The following ATP11C variants were observed in gnomAD, a reference collection of about 807,000 sequenced individuals.
The protein encoded by ATP11C is phospholipid-transporting ATPase IG.
ATP11C carries 36 observed loss-of-function variants against 97.4 expected under a neutral mutation model. The observed-to-expected ratio is 0.37, with a 90% CI of 0.28 to 0.49. ATP11C has a LOEUF of 0.49. Ranked by LOEUF, ATP11C falls within the 20% of genes least tolerant of loss-of-function variation. ATP11C has a pLI of 0.98. For synonymous variants in ATP11C, 275 were observed against 290.9 expected (o/e 0.95, Z 0.56); for missense variants, 730 against 824.6 (o/e 0.89, Z 1.40).
At chrX:139,784,296 TC>T (rs921649008) in intron 16 of ATP11C, among the ~76,000 whole-genome samples, 1 of 110,650 alleles carries the variant, frequency 9.0e-6, no homozygotes, top group Non-Finnish European at 1.9e-5. Flanking sequence ...TTCTTACACA[TC>T]CAAAGTGTAT....
chrX:139,829,912 G>A (rs912347686), intron 1 of ATP11C, among the ~76,000 whole-genome samples: 2 of 110,689 alleles, frequency 1.8e-5, no homozygotes, highest in African/African-American at 6.6e-5. Context: ...ACCTAACACA[G>A]TAATTATTTA....
At position 139,788,439 on chromosome X, in the gene ATP11C, T is replaced by C. The variant is rs758576078; in HGVS notation, c.1369-96A>G. Reference sequence around the variant, plus strand: ...GAAAATATATTAATGTGAGAGAATGTTGTAACTTCTAACAAACTTAGTAGC... The same window carrying C: ...GAAAATATATTAATGTGAGAGAATGCTGTAACTTCTAACAAACTTAGTAGC... On this transcript the variant is annotated intron_variant, in intron 13 of 29. Transcript: ENST00000682941. 2.4e-5 allele frequency: 19 copies of C among 805,725 alleles called. 1 individual carries two copies. The Admixed American group carries it at 2.9e-4, about 12-fold the overall frequency. The allele number at this position is 805,725 out of a possible 1,213,427, so 66.4% of individuals were successfully genotyped here. A position where few individuals can be genotyped will look rare whatever the true frequency, so the allele number is the denominator to read the frequency against.
chrX:139,921,769 T>C (rs1431238466), intron 1 of ATP11C, among the ~76,000 whole-genome samples: 1 of 111,469 alleles, frequency 9.0e-6, no homozygotes, highest in East Asian at 2.8e-4. Flanking sequence ...CTGTCTCCCA[T>C]GTGTAGTGAA....
chrX:139,766,338 G>A (rs1235307177), intron 20 of ATP11C, among the ~76,000 whole-genome samples: 2 of 112,079 alleles, frequency 1.8e-5, no homozygotes, highest in African/African-American at 6.5e-5. Context: ...CAGTGAAGCA[G>A]TCAGAACCCA....
At chrX:139,817,071 T>A in intron 3 of ATP11C, 128 bp from the exon 4 acceptor site, 1 of 359,674 alleles carries the variant, frequency 2.8e-6, no homozygotes. Context: ...GGGTAAATAT[T>A]AATTTTCATT....
chrX:139,801,656 G>A (rs1439456277), intron 7 of ATP11C, among the ~76,000 whole-genome samples: 2 of 111,655 alleles, frequency 1.8e-5, no homozygotes, highest in Admixed American at 1.9e-4. Flanking sequence ...AACCAGTCTT[G>A]AAATCAAACG....
chrX:139,852,242 G>A (rs2084002817), intron 1 of ATP11C, among the ~76,000 whole-genome samples: 1 of 110,087 alleles, frequency 9.1e-6, no homozygotes, highest in South Asian at 4.1e-4. Context: ...TTGCACCGCT[G>A]AGAATTAAAA....
At chrX:139,824,619 G>A (rs2083486569) in intron 2 of ATP11C, among the ~76,000 whole-genome samples, 3 of 111,260 alleles carry the variant, frequency 2.7e-5, no homozygotes, top group South Asian at 7.6e-4. Flanking sequence ...CCCAGGAGGC[G>A]GGGCTTGCAG....
At chrX:139,865,514 C>T (rs918292208) in intron 1 of ATP11C, among the ~76,000 whole-genome samples, 52 of 111,700 alleles carry the variant, frequency 4.7e-4, no homozygotes, top group Non-Finnish European at 1.1e-4. Context: ...GTAATTCCAG[C>T]ACTTTGGGAG....
intron 6 of ATP11C, among the ~76,000 whole-genome samples, chrX:139,803,129 T>A (rs927319593): frequency 1.8e-5 from 2 of 112,021 alleles, no homozygotes; most frequent in Admixed American, 1.9e-4. Context: ...TTTGAAAACC[T>A]CTGTACTTTT....
chrX:139,932,693 C>G lies in ATP11C; in HGVS notation c.-651G>C, dbSNP rs2085461953. 8.9e-6 allele frequency: 1 copy of G among 112,815 alleles called. No homozygotes were observed. The allele number at this position is 112,815 out of a possible 1,213,427, so 9.3% of individuals were successfully genotyped here. A position where few individuals can be genotyped will look rare whatever the true frequency, so the allele number is the denominator to read the frequency against. ...CTCGCAGCCCCTCCTCGGTCCGCGGCTGCCGCGCCGCCCCGCGCTCTGGTC... is the reference window on the plus strand; with the variant it reads ...CTCGCAGCCCCTCCTCGGTCCGCGGGTGCCGCGCCGCCCCGCGCTCTGGTC... On this transcript the variant is annotated 5_prime_UTR_variant, in exon 1 of 30. Coordinates refer to ENST00000682941, the MANE Select transcript of ATP11C (RefSeq NM_001353812.2).
At chrX:139,862,624 C>T (rs892793318) in intron 1 of ATP11C, among the ~76,000 whole-genome samples, 2 of 111,607 alleles carry the variant, frequency 1.8e-5, no homozygotes, top group African/African-American at 6.5e-5. Context: ...GAAACAAATC[C>T]TCACAGCAAA....
In ATP11C at chrX:139,783,149, G is replaced by A. The variant is rs1051119594; in HGVS notation, c.1770+15C>T. On this transcript the variant is annotated intron_variant, in intron 17 of 29. Transcript: ENST00000682941. The stretch of plus-strand genomic sequence containing the variant: ...CTCTGCTTACTTATTGGTGGGGGAA[G>A]GAGTATAGGCTCACCATTGCATTAC... 6.5e-6 allele frequency: 7 copies of A among 1,084,584 alleles called. No homozygotes were observed. The African/African-American group carries it at 7.4e-5, about 11-fold the overall frequency. The allele number at this position is 1,084,584 out of a possible 1,213,427, so 89.4% of individuals were successfully genotyped here.
Position 139,772,187 on chromosome X carries a change from G to A in ATP11C, c.2216+2503C>T, listed in dbSNP as rs780275735. Among the ~76,000 whole-genome samples, 5 of 112,712 alleles carry A rather than the reference G, an allele frequency of 4.4e-5. No homozygotes were observed. In the East Asian group the frequency reaches 1.4e-3, roughly 32 times the overall value. ...GCTTAGGCCATGGCTTCAGAGGGTG[G>A]AAGCCCCAAGCCTTGGCAGCTTCCA... On this transcript the variant is annotated intron_variant, in intron 19 of 29. Coordinates refer to ENST00000682941, the MANE Select transcript of ATP11C (RefSeq NM_001353812.2).
At chrX:139,926,657 C>T (rs1356163749) in intron 1 of ATP11C, among the ~76,000 whole-genome samples, 3 of 112,462 alleles carry the variant, frequency 2.7e-5, no homozygotes, top group African/African-American at 9.7e-5. Flanking sequence ...CTGGAAACTA[C>T]CTGGTATATA....
At chrX:139,738,126 T>C in intron 27 of ATP11C, 57 bp from the exon 28 acceptor site, 3 of 971,417 alleles carry the variant, frequency 3.1e-6, no homozygotes, top group Non-Finnish European at 4.2e-6. Context: ...TCATATGAAA[T>C]GGACATTTAA....
intron 22 of ATP11C, among the ~76,000 whole-genome samples, chrX:139,761,645 G>C (rs1196645515): frequency 1.8e-5 from 2 of 111,633 alleles, no homozygotes; most frequent in South Asian, 3.7e-4. Context: ...TCTATTTTTT[G>C]ATTGGTGTAA....
chrX:139,760,195 T>A (rs914050160), intron 22 of ATP11C, among the ~76,000 whole-genome samples: 1 of 112,171 alleles, frequency 8.9e-6, no homozygotes, highest in Non-Finnish European at 1.9e-5. Flanking sequence ...TTCCATGTAT[T>A]TTAAATGGAG....
At chrX:139,837,256 T>A (rs1318121191) in intron 1 of ATP11C, among the ~76,000 whole-genome samples, 1 of 111,826 alleles carries the variant, frequency 8.9e-6, no homozygotes, top group Non-Finnish European at 1.9e-5. Flanking sequence ...AAAGCACACA[T>A]AGGGGGTATC....
Sources: gnomAD v4.1 joint callset for allele counts (sites outside exome capture counted in the v4.1 genomes callset) on GRCh38, gnomAD v4.1.1 for gene constraint, MANE v1.5 for transcripts, NCBI Gene and HGNC (gene_info 2026-07-23, HGNC 2026-07-21) for gene names.